The following EXO1 variants were observed in gnomAD, a reference collection of about 807,000 sequenced individuals.
EXO1 encodes the protein exonuclease 1.
A neutral mutation model predicts 84.5 loss-of-function variants in EXO1; 69 were observed. That is an observed-to-expected ratio of 0.82 (90% CI 0.67 to 1.00). The LOEUF (loss-of-function observed/expected upper bound fraction) is 1.00, where lower values mean the gene tolerates loss of function less well. Among genes scored for constraint, EXO1 ranks in the 50% least tolerant of loss-of-function variants. The probability of loss-of-function intolerance (pLI) is 0.00; values close to 1 mark genes in which losing one functional copy is unlikely to be tolerated. For synonymous variants in EXO1, 373 were observed against 366.1 expected (o/e 1.02, Z -0.21); for missense variants, 1,045 against 1,000.7 (o/e 1.04, Z -0.60).
At chr1:241,852,934 G>A (rs1412382662) in intron 5 of EXO1, among the ~76,000 whole-genome samples, 1 of 152,070 alleles carries the variant, frequency 6.6e-6, no homozygotes. Flanking sequence ...TGGAATTACA[G>A]GCATGAGCCA....
chr1:241,858,098 A>G (rs4149900), intron 7 of EXO1, among the ~76,000 whole-genome samples: 11,759 of 152,268 alleles, frequency 0.077, 722 homozygotes, highest in Admixed American at 0.19. Context: ...CTGAATTTCT[A>G]TATTTTCCAA....
chr1:241,884,634 T>C (rs1662943914), intron 14 of EXO1, among the ~76,000 whole-genome samples: 1 of 142,960 alleles, frequency 7.0e-6, no homozygotes, highest in African/African-American at 2.6e-5. Flanking sequence ...CACAACAATG[T>C]GTACTATGCT....
intron 8 of EXO1, 21 bp from the exon 9 acceptor site, chr1:241,860,496 T>C (rs1406750878): frequency 1.3e-6 from 2 of 1,573,254 alleles, no homozygotes; most frequent in African/African-American, 1.3e-5. Context: ...GCAGATAAAA[T>C]ATTTTTGCAT....
At chr1:241,878,260 A>G (rs926176530) in intron 12 of EXO1, among the ~76,000 whole-genome samples, 14 of 152,350 alleles carry the variant, frequency 9.2e-5, no homozygotes, top group African/African-American at 3.4e-4. Flanking sequence ...ACACTTTGTG[A>G]GGCCAAGGCG....
At chr1:241,850,898 A>C (rs1338780565) in intron 4 of EXO1, among the ~76,000 whole-genome samples, 2 of 143,268 alleles carry the variant, frequency 1.4e-5, no homozygotes, top group Admixed American at 1.5e-4. Flanking sequence ...GCAGTGGCAC[A>C]ATCTTGGCTC....
At chr1:241,849,835 C>T (rs183294470) in intron 3 of EXO1, among the ~76,000 whole-genome samples, 25 of 152,252 alleles carry the variant, frequency 1.6e-4, no homozygotes, top group Admixed American at 5.2e-4. Context: ...AGTGAAAGTG[C>T]AAAAGCACTT....
chr1:241,875,702 C>T (rs915512198), intron 12 of EXO1, among the ~76,000 whole-genome samples: 1 of 152,118 alleles, frequency 6.6e-6, no homozygotes, highest in Non-Finnish European at 1.5e-5. Flanking sequence ...CATGGTGAAA[C>T]CCCATCTCTA....
chr1:241,872,524 G>GC (rs1480609603), intron 12 of EXO1, among the ~76,000 whole-genome samples: 1 of 152,006 alleles, frequency 6.6e-6, no homozygotes, highest in Non-Finnish European at 1.5e-5. Context: ...CCTGCCACAG[G>GC]CCGGGGTGTG....
rs367909582 is a variant in EXO1, at chr1:241,851,429, C to T, written c.161+843C>T. ...CATCAAGATGACATATTTAAAAGGT[C>T]ATCTTTTTTTTCTTTATTTTAGCTG... On this transcript the variant is annotated intron_variant, in intron 4 of 15. Coordinates refer to ENST00000366548, the MANE Select transcript of EXO1 (RefSeq NM_130398.4). Among the ~76,000 whole-genome samples the T allele has an allele frequency of 7.2e-5, 11 of 152,200 alleles. No homozygotes were observed. In the East Asian group the frequency reaches 2.1e-3, roughly 29 times the overall value.
At chr1:241,865,215 CT>C (rs76945375) in intron 10 of EXO1, among the ~76,000 whole-genome samples, 748 of 138,018 alleles carry the variant, frequency 5.4e-3, no homozygotes, top group African/African-American at 0.011. Flanking sequence ...TTGAATATCT[CT>C]TTTTTTTTTT....
intron 15 of EXO1, among the ~76,000 whole-genome samples, chr1:241,887,826 A>G (rs549474112): frequency 3.9e-5 from 6 of 152,028 alleles, no homozygotes; most frequent in African/African-American, 1.4e-4. Context: ...TTTTGTAGAG[A>G]TCGGGTTTCG....
intron 6 of EXO1, 88 bp downstream of exon 6, chr1:241,853,569 AT>A: frequency 6.9e-7 from 1 of 1,458,832 alleles, no homozygotes; most frequent in Non-Finnish European, 9.6e-7. Context: ...AGGGTGGAAA[AT>A]TGTTCTAGGC....
At chr1:241,888,764 A>G (rs942274069) in intron 15 of EXO1, among the ~76,000 whole-genome samples, 18 of 152,190 alleles carry the variant, frequency 1.2e-4, no homozygotes, top group African/African-American at 3.6e-4. Context: ...AGAGAAAACA[A>G]CCGAGAGGGG....
At chr1:241,849,961 A>C (rs529332903) in intron 3 of EXO1, among the ~76,000 whole-genome samples, 1 of 152,242 alleles carries the variant, frequency 6.6e-6, no homozygotes, top group South Asian at 2.1e-4. Flanking sequence ...CAGCTAAAAT[A>C]TTAAAGAGCA....
rs370707037 is a variant in EXO1 at position 241,878,777 on chromosome 1, T to A, written c.1543T>A (p.Cys515Ser). 6.8e-6 allele frequency: 11 copies of A among 1,613,314 alleles called. No homozygotes were observed. The highest frequency in any genetic ancestry group is 9.3e-6 in the Non-Finnish European group (11 of 1,179,560). The change falls in exon 13 of 16, where the codon TGT becomes AGT. Residue 515 changes from cysteine to serine, a missense_variant. Cys to Ser is a moderately radical substitution (Grantham distance 112). Coordinates refer to ENST00000366548, the MANE Select transcript of EXO1 (RefSeq NM_130398.4). The part of the protein sequence containing the change: ...RFFCSSDSTD[C>S]VSNKVSIQPL... ...TTTTTGCAGTTCAGATTCTACTGAC[T>A]GTGTATCAAACAAAGTGAGCATCCA...
intron 15 of EXO1, 39 bp from the exon 16 acceptor site, chr1:241,889,425 TA>T: frequency 6.3e-7 from 1 of 1,580,780 alleles, no homozygotes; most frequent in East Asian, 2.2e-5. Context: ...TAATAATCAG[TA>T]CCTTAAAAAT....
At chr1:241,868,888 T>A (rs916995780) in intron 11 of EXO1, among the ~76,000 whole-genome samples, 2 of 152,228 alleles carry the variant, frequency 1.3e-5, no homozygotes, top group African/African-American at 4.8e-5. Flanking sequence ...GTTTTCTAGT[T>A]GTTCATTGAT....
chr1:241,858,509 A>G lies in EXO1; in HGVS notation c.547A>G (p.Ile183Val). ...ACAATTTCCCTTCCTTTTGAAGGTAATTTTAAAGATGGACCAGTTTGGAAA... is the reference window on the plus strand; with the variant it reads ...ACAATTTCCCTTCCTTTTGAAGGTAGTTTTAAAGATGGACCAGTTTGGAAA... The part of the protein sequence containing the change: ...DLLAFGCKKV[I>V]LKMDQFGNGL... Residue 183 changes from isoleucine (I) to valine (V), a missense_variant, in exon 8 of 16, where the codon ATT becomes GTT. Physicochemically the swap from Ile to Val is conservative, Grantham distance 29. Transcript: ENST00000366548. The G allele has an allele frequency of 1.2e-6, 2 of 1,612,232 alleles. No individual in the cohort carries two copies. The highest frequency in any genetic ancestry group is 1.1e-5 in the South Asian group (1 of 91,044).
chr1:241,854,463 A>G (rs1660850228), intron 6 of EXO1: 1 of 152,270 alleles, frequency 6.6e-6, no homozygotes, highest in Non-Finnish European at 1.5e-5. Context: ...GTAAAGGTGA[A>G]GTCAGCTTTT....
Sources: allele counts gnomAD v4.1 joint callset (sites outside exome capture counted in the v4.1 genomes callset), GRCh38; gene constraint gnomAD v4.1.1; transcripts MANE v1.5; gene names NCBI Gene and HGNC (gene_info 2026-07-23, HGNC 2026-07-21).